Variants in GFUS observed in about 807,000 individuals in gnomAD.
The protein encoded by GFUS is 3-5 epimerase/4-reductase.
In GFUS, 42 loss-of-function variants were observed where a neutral mutation model predicts 41.5. The observed-to-expected ratio is 1.01, with a 90% CI of 0.79 to 1.31. The LOEUF (loss-of-function observed/expected upper bound fraction) is 1.31. GFUS is among the 50% of genes most tolerant of loss of function. The pLI is 0.00. For synonymous variants in GFUS, 188 were observed against 173.4 expected, an observed-to-expected ratio of 1.08 and a Z score of -0.66; for missense variants, 437 against 428.7, an observed-to-expected ratio of 1.02 and a Z score of -0.17.
At chr8:143,614,962 C>T (rs1005375863) in intron 3 of GFUS, 47 bp from the exon 4 acceptor site, 4 of 1,552,118 alleles carry the variant, frequency 2.6e-6, no homozygotes, top group Non-Finnish European at 2.6e-6. Context: ...GGCCAGATCC[C>T]AGCCCTTACC....
chr8:143,614,035 G>T, intron 7 of GFUS, 129 bp downstream of exon 7: 1 of 1,350,920 alleles, frequency 7.4e-7, no homozygotes, highest in African/African-American at 1.4e-5. Context: ...GCTCCTCTTG[G>T]AGCTCAGCCC....
chr8:143,613,663 C>A, intron 8 of GFUS, 60 bp from the exon 9 acceptor site: 1 of 1,589,240 alleles, frequency 6.3e-7, no homozygotes, highest in Non-Finnish European at 8.6e-7. Flanking sequence ...CATGAATATT[C>A]CTGCTCCCAC....
chr8:143,616,561 A>G lies in GFUS; in HGVS notation c.146+6T>C. ...GAAGGGCTGATCTGGGGATGGGCTC[A>G]CTCACGTGAGATCGGCGTCTTTAGA... On this transcript the variant is annotated splice_donor_region_variant and intron_variant, in intron 2 of 10. Transcript: ENST00000425753. 1 of 1,613,714 alleles carries G rather than the reference A, an allele frequency of 6.2e-7. No homozygotes were observed. Among genetic ancestry groups the G allele is most frequent in the Non-Finnish European group, 8.5e-7 (1 of 1,179,938 alleles).
chr8:143,616,641 C>A lies in GFUS; in HGVS notation c.72G>T (p.Gln24His), dbSNP rs753459253. Reference sequence around the variant, plus strand: ...GTCCAGCTCCATCTGCTACCACCTTCTGGATGGCTTTGCCTACCAGCCCAG... The same window carrying A: ...GTCCAGCTCCATCTGCTACCACCTTATGGATGGCTTTGCCTACCAGCCCAG... The part of the protein sequence containing the change: ...GGSGLVGKAI[Q>H]KVVADGAGLP... Residue 24 changes from glutamine (Q) to histidine (H), a missense_variant, in exon 2 of 11, where the codon CAG (glutamine) becomes CAT (histidine). By Grantham distance (24) the Gln-to-His change is conservative. Coordinates refer to ENST00000425753, the MANE Select transcript of GFUS (RefSeq NM_003313.4). 1 of 1,613,896 alleles carries A rather than the reference C, an allele frequency of 6.2e-7. No homozygotes were observed. Among genetic ancestry groups the A allele is most frequent in the East Asian group, 2.2e-5 (1 of 44,884 alleles).
chr8:143,613,753 G>A lies in GFUS; in HGVS notation c.728C>T (p.Ser243Phe), dbSNP rs1315113028. 1 of 1,551,370 alleles carries A rather than the reference G, an allele frequency of 6.4e-7. No individual in the cohort carries two copies. The highest frequency in any genetic ancestry group is 1.4e-5 in the African/African-American group (1 of 73,166). ...EYNEVEPIIL[S>F]VGEEDEVSIK... ...GGGCTGAGGGCTGAGGTACCCACCG[G>A]AGAGGATGATGGGCTCCACTTCATT... The change falls in exon 8 of 11, where the codon TCC becomes TTC. Residue 243 changes from serine to phenylalanine, a missense_variant and splice_region_variant. Ser to Phe is a radical substitution (Grantham distance 155). Coordinates refer to ENST00000425753, the MANE Select transcript of GFUS (RefSeq NM_003313.4).
At position 143,613,027 on chromosome 8, in the gene GFUS, G is replaced by C. The variant is rs1019916484; in HGVS notation, c.911-62C>G. The C allele has an allele frequency of 3.8e-6, 6 of 1,584,660 alleles. 1 individual carries two copies. Among genetic ancestry groups the C allele is most frequent in the East Asian group, 2.3e-5 (1 of 43,930 alleles). Reference sequence around the variant, plus strand: ...GGGTCGGGGCCGCATGGGAGGAAGTGGGGGGAGGAGGCCCAGGGACAGGGA... The same window carrying C: ...GGGTCGGGGCCGCATGGGAGGAAGTCGGGGGAGGAGGCCCAGGGACAGGGA... On this transcript the variant is annotated intron_variant, in intron 10 of 10. Transcript: ENST00000425753.
intron 8 of GFUS, 35 bp from the exon 9 acceptor site, chr8:143,613,638 TGCCACCCGACG>T: frequency 6.2e-7 from 1 of 1,609,164 alleles, no homozygotes; most frequent in Non-Finnish European, 8.5e-7. Flanking sequence ...CTCCCCTTGG[TGCCACCCGACG>T]GCCCATGAAT....
In GFUS at chr8:143,613,830, C is replaced by G; in HGVS notation, c.664-13G>C. ...GCTGGGCCAGGTCCTAGAGGTCAGA[C>G]AGGCAGGGTCAGAGACCATGGGTAT... On this transcript the variant is annotated splice_polypyrimidine_tract_variant and intron_variant, in intron 7 of 10. Coordinates refer to ENST00000425753, the MANE Select transcript of GFUS (RefSeq NM_003313.4). 10 of 1,550,602 alleles carry G rather than the reference C, an allele frequency of 6.4e-6. No homozygotes were observed. Among genetic ancestry groups the G allele is most frequent in the Non-Finnish European group, 7.8e-6 (9 of 1,146,952 alleles).
Position 143,614,197 on chromosome 8 carries a change from T to C in GFUS, c.630A>G (p.Thr210=), listed in dbSNP as rs928492086. The change falls in exon 7 of 11, where the codon ACA becomes ACG. Residue 210 remains threonine (T), a synonymous_variant. Coordinates refer to ENST00000425753, the MANE Select transcript of GFUS (RefSeq NM_003313.4). The part of the protein sequence containing the change: ...SSGSALTVWG[T]GNPRRQFIYS... ...ATATGAACTGCCTCCGCGGATTCCC[T>C]GTACCCCACACCGTCAGGGCCGAGC... is the stretch of plus-strand genomic sequence containing the variant. 3 of 1,613,450 alleles carry C rather than the reference T, an allele frequency of 1.9e-6. No homozygotes were observed. The highest frequency in any genetic ancestry group is 1.3e-5 in the African/African-American group (1 of 74,930).
In GFUS at chr8:143,613,348, G is replaced by A. The variant is rs937227081; in HGVS notation, c.811-53C>T. The A allele has an allele frequency of 6.8e-5, 106 of 1,569,936 alleles. 1 individual carries two copies. The East Asian group carries it at 1.3e-3, about 20-fold the overall frequency. ...GAAGAGCACCTCCACCCCAGCCCCC[G>A]CAGCTTGCCCTTGAACCTCTGCCAT... On this transcript the variant is annotated intron_variant, in intron 9 of 10. Transcript: ENST00000425753.
chr8:143,614,200 A>G lies in GFUS; in HGVS notation c.627T>C (p.Gly209=). The G allele has an allele frequency of 6.2e-7, 1 of 1,612,962 alleles. No homozygotes were observed. Among genetic ancestry groups the G allele is most frequent in the Middle Eastern group, 1.7e-4 (1 of 6,004 alleles). The stretch of plus-strand genomic sequence containing the variant: ...TGAACTGCCTCCGCGGATTCCCTGT[A>G]CCCCACACCGTCAGGGCCGAGCCGC... ...KSSGSALTVW[G]TGNPRRQFIY... The change falls in exon 7 of 11, where the codon GGT becomes GGC. Residue 209 remains glycine, a synonymous_variant. Coordinates refer to ENST00000425753, the MANE Select transcript of GFUS (RefSeq NM_003313.4).
intron 9 of GFUS, 112 bp downstream of exon 9, chr8:143,613,412 G>T: frequency 6.7e-7 from 1 of 1,489,578 alleles, no homozygotes; most frequent in Non-Finnish European, 9.3e-7. Flanking sequence ...CGCCTGCCAG[G>T]GTGAGCATCC....
Position 143,614,891 on chromosome 8 carries a change from T to C in GFUS, c.286A>G (p.Asn96Asp), listed in dbSNP as rs1563687383. 3 of 1,611,212 alleles carry C rather than the reference T, an allele frequency of 1.9e-6. No homozygotes were observed. The Admixed American group carries it at 5.0e-5, about 27-fold the overall frequency. ...ACCTCAAAGGCCGAGTGCAGGACGT[T>C]GTCGTTCATGTGCACGTTTTTCCTC... ...FWRKNVHMND[N>D]VLHSAFEVGA... The change falls in exon 4 of 11, where the codon AAC (asparagine) becomes GAC (aspartate). Residue 96 changes from asparagine to aspartate, a missense_variant. Asn to Asp is a conservative substitution (Grantham distance 23). Coordinates refer to ENST00000425753, the MANE Select transcript of GFUS (RefSeq NM_003313.4).
At position 143,613,878 on chromosome 8, in the gene GFUS, C is replaced by G. The variant is rs1273372969; in HGVS notation, c.664-61G>C. ...TATAGCCAACCCTCTCCCAAACGCC[C>G]CTGCTGGGGAGTCCATACTGCTGTC... On this transcript the variant is annotated intron_variant, in intron 7 of 10. Transcript: ENST00000425753. 3 of 1,518,036 alleles carry G rather than the reference C, an allele frequency of 2.0e-6. No homozygotes were observed. The East Asian group carries it at 7.4e-5, about 37-fold the overall frequency. The allele number at this position is 1,518,036 out of a possible 1,614,324, so 94.0% of individuals were successfully genotyped here.
chr8:143,613,870 CA>C, intron 7 of GFUS, 53 bp from the exon 8 acceptor site: 1 of 1,537,428 alleles, frequency 6.5e-7, no homozygotes, highest in Non-Finnish European at 8.8e-7. Context: ...AACCCTCTCC[CA>C]AACGCCCCTG....
At position 143,616,641 on chromosome 8, in the gene GFUS, C is replaced by G; in HGVS notation, c.72G>C (p.Gln24His). 6.2e-7 allele frequency: 1 copy of G among 1,613,896 alleles called. No individual in the cohort carries two copies. Among genetic ancestry groups the G allele is most frequent in the Non-Finnish European group, 8.5e-7 (1 of 1,180,022 alleles). The change falls in exon 2 of 11, where the codon CAG becomes CAC. Residue 24 changes from glutamine to histidine, a missense_variant. By Grantham distance (24) the Gln-to-His change is conservative. Transcript: ENST00000425753. ...GGSGLVGKAI[Q>H]KVVADGAGLP... is the part of the protein sequence containing the mutation. ...GTCCAGCTCCATCTGCTACCACCTT[C>G]TGGATGGCTTTGCCTACCAGCCCAG...
At chr8:143,614,062 G>T in intron 7 of GFUS, 102 bp downstream of exon 7, 1 of 1,491,678 alleles carries the variant, frequency 6.7e-7, no homozygotes, top group East Asian at 2.4e-5. Context: ...TCTGCTGGTA[G>T]GAGCCTCCCT....
At position 143,613,898 on chromosome 8, in the gene GFUS, G is replaced by T. The variant is rs530551705; in HGVS notation, c.664-81C>A. 33 of 1,442,268 alleles carry T rather than the reference G, an allele frequency of 2.3e-5. No homozygotes were observed. In the African/African-American group the frequency reaches 4.2e-4, roughly 19 times the overall value. 89.3% of individuals were successfully genotyped at this position (1,442,268 alleles called of 1,614,324 possible). Reference sequence around the variant, plus strand: ...ACGCCCCTGCTGGGGAGTCCATACTGCTGTCCTTGTTCAGTGGGGGCTCAG... The same window carrying T: ...ACGCCCCTGCTGGGGAGTCCATACTTCTGTCCTTGTTCAGTGGGGGCTCAG... On this transcript the variant is annotated intron_variant, in intron 7 of 10. Coordinates refer to ENST00000425753, the MANE Select transcript of GFUS (RefSeq NM_003313.4).
chr8:143,615,220 G>A (rs867365809), intron 3 of GFUS, among the ~76,000 whole-genome samples: 3 of 152,200 alleles, frequency 2.0e-5, no homozygotes, highest in Admixed American at 2.0e-4. Context: ...ACTGGAGGCT[G>A]GGAAGGAGCC....
Sources: allele counts gnomAD v4.1 joint callset (sites outside exome capture counted in the v4.1 genomes callset), GRCh38; gene constraint gnomAD v4.1.1; transcripts MANE v1.5; gene names NCBI Gene and HGNC (gene_info 2026-07-23, HGNC 2026-07-21).